Variants in EXOC2 observed in about 807,000 individuals in gnomAD.
The protein encoded by EXOC2 is exocyst complex component 2.
Under a neutral mutation model 131.8 loss-of-function variants are expected in EXOC2, and 70 were observed. The ratio of observed to expected loss-of-function variants is 0.53; its 90% CI spans 0.44 to 0.65. The LOEUF is 0.65. Ranked by LOEUF, EXOC2 falls within the 30% of genes least tolerant of loss-of-function variation. EXOC2 has a pLI of 0.00. For missense variants in EXOC2, 923 were observed against 1,108.6 expected (o/e 0.83, Z 2.38); for synonymous variants, 411 against 398.4 (o/e 1.03, Z -0.38).
intron 1 of EXOC2, among the ~76,000 whole-genome samples, chr6:638,433 AGAG>A (rs1762202385): frequency 6.6e-6 from 1 of 152,226 alleles, no homozygotes; most frequent in Non-Finnish European, 1.5e-5. Flanking sequence ...TGAGTATAAC[AGAG>A]GAGGGAAAAG....
intron 12 of EXOC2, among the ~76,000 whole-genome samples, chr6:574,334 C>T (rs1235516069): frequency 1.3e-5 from 2 of 152,178 alleles, no homozygotes; most frequent in African/African-American, 4.8e-5. Context: ...CTCATACTTC[C>T]ACCGGTGACA....
chr6:578,833 A>T (rs1222818624), intron 11 of EXOC2, among the ~76,000 whole-genome samples: 2 of 152,212 alleles, frequency 1.3e-5, no homozygotes, highest in Non-Finnish European at 2.9e-5. Flanking sequence ...TTTTCATATA[A>T]AAATGTTTGT....
rs80275067 is a variant in EXOC2, at chr6:532,698, T to C, written c.2239-88A>G. 2.3e-3 allele frequency: 2,840 copies of C among 1,227,632 alleles called. 39 individuals are homozygous for C. The African/African-American group carries it at 0.039, about 17-fold the overall frequency. The allele number at this position is 1,227,632 out of a possible 1,614,324, so 76.0% of individuals were successfully genotyped here. A position where few individuals can be genotyped will look rare whatever the true frequency, so the allele number is the denominator to read the frequency against. On this transcript the variant is annotated intron_variant, in intron 22 of 27. Transcript: ENST00000230449. ...TGTTAACAATAAATACTTCAGACTA[T>C]AATAAAAGCACTTCTCAATTTTCCT...
rs1465638272 is a variant in EXOC2, at chr6:637,796, G to A, written c.23C>T (p.Pro8Leu). Reference protein sequence around the residue: MSRSRQPPLVTGISPNEG... With the variant: MSRSRQPLLVTGISPNEG... ...ATTTGGAGAGATGCCGGTCACAAGGGGGGGTTGTCGTGATCGAGACATTGT... is the reference window on the plus strand; with the variant it reads ...ATTTGGAGAGATGCCGGTCACAAGGAGGGGTTGTCGTGATCGAGACATTGT... The change falls in exon 2 of 28, where the codon CCC becomes CTC. Residue 8 changes from proline to leucine, a missense_variant. Transcript: ENST00000230449. 6.2e-7 allele frequency: 1 copy of A among 1,613,820 alleles called. No homozygotes were observed. Among genetic ancestry groups the A allele is most frequent in the Admixed American group, 1.7e-5 (1 of 59,958 alleles).
chr6:605,447 A>G (rs897756721), intron 7 of EXOC2, among the ~76,000 whole-genome samples: 1 of 152,256 alleles, frequency 6.6e-6, no homozygotes, highest in Non-Finnish European at 1.5e-5. Flanking sequence ...GTATGTGTCC[A>G]GGAATTTATC....
intron 23 of EXOC2, among the ~76,000 whole-genome samples, chr6:509,932 A>G (rs952583836): frequency 6.6e-6 from 1 of 151,972 alleles, no homozygotes; most frequent in African/African-American, 2.4e-5. Context: ...ATCAGTTATC[A>G]CTCCCAGTCT....
At chr6:522,378 G>C (rs1238953437) in intron 23 of EXOC2, among the ~76,000 whole-genome samples, 7 of 151,630 alleles carry the variant, frequency 4.6e-5, no homozygotes, top group African/African-American at 1.7e-4. Context: ...CGGACTGCAG[G>C]ACAGCGTGTG....
At position 485,400 on chromosome 6, in the gene EXOC2, G is replaced by A. The variant is rs1265369516; in HGVS notation, c.*1271C>T. The stretch of plus-strand genomic sequence containing the variant: ...AACACATTTATTTATTTTAAATAAT[G>A]GAAACTGTACATGGCTACACTGTGC... On this transcript the variant is annotated 3_prime_UTR_variant, in exon 28 of 28. Coordinates refer to ENST00000230449, the MANE Select transcript of EXOC2 (RefSeq NM_018303.6). 6.6e-6 allele frequency: 1 copy of A among 152,092 alleles called. No individual in the cohort carries two copies. Among genetic ancestry groups the A allele is most frequent in the Non-Finnish European group, 1.5e-5 (1 of 68,028 alleles). 9.4% of individuals were successfully genotyped at this position (152,092 alleles called of 1,614,324 possible).
intron 13 of EXOC2, among the ~76,000 whole-genome samples, chr6:569,497 A>G (rs147104003): frequency 5.3e-5 from 8 of 152,348 alleles, no homozygotes; most frequent in Admixed American, 3.9e-4. Flanking sequence ...ATTCAAATAA[A>G]TTGTGTTTAA....
chr6:598,386 G>T (rs1581524039), intron 9 of EXOC2, among the ~76,000 whole-genome samples: 1 of 152,212 alleles, frequency 6.6e-6, no homozygotes, highest in East Asian at 1.9e-4. Flanking sequence ...AGTTTTCTGG[G>T]TCCTTACAGA....
intron 2 of EXOC2, among the ~76,000 whole-genome samples, chr6:634,282 G>A (rs1005723410): frequency 4.6e-5 from 7 of 151,928 alleles, no homozygotes; most frequent in Non-Finnish European, 1.0e-4. Context: ...ACACAGTTTC[G>A]TCATGCTGGT....
chr6:518,190 T>C (rs896577458), intron 23 of EXOC2, among the ~76,000 whole-genome samples: 1 of 152,222 alleles, frequency 6.6e-6, no homozygotes, highest in African/African-American at 2.4e-5. Flanking sequence ...TCAGTCCTTA[T>C]CTTATCTGTG....
chr6:633,961 T>A (rs1436962043), intron 2 of EXOC2, among the ~76,000 whole-genome samples: 2 of 152,188 alleles, frequency 1.3e-5, no homozygotes, highest in Non-Finnish European at 2.9e-5. Context: ...GCCTTCCAAC[T>A]TACTTCCTTT....
intron 1 of EXOC2, chr6:669,622 G>C (rs1383715619): frequency 6.6e-6 from 1 of 152,392 alleles, no homozygotes; most frequent in Admixed American, 6.5e-5. Context: ...TGTGGGAAGA[G>C]CAGGCTCGCT....
rs1182759245 is a variant in EXOC2 at position 637,762 on chromosome 6, T to C, written c.57A>G (p.Ile19Met). Residue 19 changes from isoleucine (I) to methionine (M), a missense_variant, in exon 2 of 28, where the codon ATA (isoleucine) becomes ATG (methionine). Transcript: ENST00000230449. Reference protein sequence around the residue: ...LVTGISPNEGIPWTKVTIRGE... With the variant: ...LVTGISPNEGMPWTKVTIRGE... ...CCCTGATTGTGACCTTCGTCCATGG[T>C]ATCCCTTCATTTGGAGAGATGCCGG... The C allele has an allele frequency of 8.1e-6, 13 of 1,613,986 alleles. No individual in the cohort carries two copies. The highest frequency in any genetic ancestry group is 3.3e-5 in the Admixed American group (2 of 59,990).
At chr6:540,016 G>A (rs6923301) in intron 22 of EXOC2, among the ~76,000 whole-genome samples, 66,033 of 152,120 alleles carry the variant, frequency 0.43, 16,983 homozygotes, top group Non-Finnish European at 0.58. Flanking sequence ...GAAAACTACA[G>A]ATGAAACAGG....
At chr6:562,926 T>TG in intron 16 of EXOC2, 81 bp from the exon 17 acceptor site, 1 of 1,006,310 alleles carries the variant, frequency 9.9e-7, no homozygotes, top group Non-Finnish European at 1.4e-6. Flanking sequence ...ATACAGGTTA[T>TG]GGTTTTTCAT....
rs1477078923 is a variant in EXOC2 at position 658,600 on chromosome 6, AAATTTCAAGAT to A, written c.-43-20750_-43-20740del. Among the ~76,000 whole-genome samples the A allele has an allele frequency of 7.6e-5, 11 of 144,746 alleles. No homozygotes were observed. In the South Asian group the frequency reaches 2.6e-3, roughly 34 times the overall value. 95.0% of individuals were successfully genotyped at this position (144,746 alleles called of 152,430 possible). A position where few individuals can be genotyped will look rare whatever the true frequency, so the allele number is the denominator to read the frequency against. On this transcript the variant is annotated intron_variant, in intron 1 of 27. Transcript: ENST00000230449. The stretch of plus-strand genomic sequence containing the variant: ...TTTTAAATGAATGTATGAAATGTAT[AAATTTCAAGAT>A]AATTTCAGGATATTTAAAATATATA...
intron 1 of EXOC2, chr6:656,344 G>T: frequency 1.9e-6 from 3 of 1,614,144 alleles, no homozygotes; most frequent in Non-Finnish European, 1.7e-6. Flanking sequence ...AAATAACTTT[G>T]AATGGACACC....
Sources: gnomAD v4.1 joint callset for allele counts (sites outside exome capture counted in the v4.1 genomes callset) on GRCh38, gnomAD v4.1.1 for gene constraint, MANE v1.5 for transcripts, NCBI Gene and HGNC (gene_info 2026-07-23, HGNC 2026-07-21) for gene names.